Variants in SDK1 observed in about 807,000 individuals in gnomAD.
SDK1 encodes the protein protein sidekick-1.
A neutral mutation model predicts 245.5 loss-of-function variants in SDK1; 157 were observed. The observed-to-expected ratio is 0.64, with a 90% CI of 0.56 to 0.73. The LOEUF is 0.73. SDK1 is among the 30% of genes least tolerant of loss of function. The probability of loss-of-function intolerance (pLI) is 0.00; values close to 1 mark genes in which losing one functional copy is unlikely to be tolerated. For missense variants in SDK1, 3,583 were observed against 3,002.3 expected (o/e 1.19, Z -4.52); for synonymous variants, 1,647 against 1,278.5 (o/e 1.29, Z -6.15).
chr7:3,772,918 G>A (rs1780444243), intron 4 of SDK1, among the ~76,000 whole-genome samples: 1 of 152,078 alleles, frequency 6.6e-6, no homozygotes, highest in African/African-American at 2.4e-5. Flanking sequence ...ATTTTATTGA[G>A]GATCCCATGT....
intron 5 of SDK1, among the ~76,000 whole-genome samples, chr7:3,907,830 T>C (rs1213352091): frequency 1.3e-5 from 2 of 152,180 alleles, no homozygotes; most frequent in Non-Finnish European, 2.9e-5. Context: ...GCCCAGTTCT[T>C]GTTTCTTATT....
chr7:3,598,145 A>G (rs950372478), intron 1 of SDK1, among the ~76,000 whole-genome samples: 2 of 152,264 alleles, frequency 1.3e-5, no homozygotes, highest in South Asian at 4.2e-4. Flanking sequence ...TCTGATGTCA[A>G]ATGATGTTGA....
At position 3,595,952 on chromosome 7, in the gene SDK1, A is replaced by AT. The variant is rs199756528; in HGVS notation, c.299-23112dup. On this transcript the variant is annotated intron_variant, in intron 1 of 44. Coordinates refer to ENST00000404826, the MANE Select transcript of SDK1 (RefSeq NM_152744.4). Reference sequence around the variant, plus strand: ...CGGTGTTTTAACCTGTCTAATGGGTATTTTTTTTTTTTTTTTAAGTCATAC... The same window carrying AT: ...CGGTGTTTTAACCTGTCTAATGGGTATTTTTTTTTTTTTTTTTAAGTCATAC... Among the ~76,000 whole-genome samples the AT allele has an allele frequency of 7.9e-3, 790 of 100,380 alleles. 8 individuals carry two copies. Among genetic ancestry groups the AT allele is most frequent in the African/African-American group, 0.02 (368 of 18,348 alleles). The allele number at this position is 100,380 out of a possible 152,430, so 65.9% of individuals were successfully genotyped here.
At chr7:3,719,802 C>A (rs951166381) in intron 4 of SDK1, among the ~76,000 whole-genome samples, 1 of 151,864 alleles carries the variant, frequency 6.6e-6, no homozygotes, top group Non-Finnish European at 1.5e-5. Flanking sequence ...CATGGTGAAA[C>A]CCCGTCTCTA....
chr7:3,551,693 A>ACAGACAGGCTCTCAGTGTGT (rs1779418979), intron 1 of SDK1, among the ~76,000 whole-genome samples: 2 of 152,066 alleles, frequency 1.3e-5, no homozygotes, highest in African/African-American at 2.4e-5. Flanking sequence ...TTACTTATTT[A>ACAGACAGGCTCTCAGTGTGT]CAGACAGGCT....
chr7:3,418,977 T>C (rs1031660826), intron 1 of SDK1, among the ~76,000 whole-genome samples: 1 of 152,236 alleles, frequency 6.6e-6, no homozygotes, highest in African/African-American at 2.4e-5. Flanking sequence ...GACCATGTTC[T>C]TGTGGACTTG....
Position 3,414,313 on chromosome 7 carries a change from T to C in SDK1, c.298+112429T>C, listed in dbSNP as rs554492426. Among the ~76,000 whole-genome samples, 85 of 152,148 alleles carry C rather than the reference T, an allele frequency of 5.6e-4. 2 individuals carry two copies. Among genetic ancestry groups the C allele is most frequent in the Middle Eastern group, 6.8e-3 (2 of 294 alleles). On this transcript the variant is annotated intron_variant, in intron 1 of 44. Coordinates refer to ENST00000404826, the MANE Select transcript of SDK1 (RefSeq NM_152744.4). ...GCCTGGAGAATGTGACGGAATGGAC[T>C]GTTTGGCCCAGCCCACGGAGGAGGA...
In SDK1 at chr7:3,619,249, C is replaced by A. The variant is rs184459269; in HGVS notation, c.458+10C>A. 7 of 1,588,982 alleles carry A rather than the reference C, an allele frequency of 4.4e-6. No individual in the cohort carries two copies. Among genetic ancestry groups the A allele is most frequent in the East Asian group, 2.3e-5 (1 of 44,218 alleles). ...ACAGCAGCGAATATAAGTAATTGAT[C>A]GCTTGAAAAAATAAGATCCCATTTC... On this transcript the variant is annotated intron_variant, in intron 2 of 44. Transcript: ENST00000404826.
At chr7:3,402,949 C>T (rs371230310) in intron 1 of SDK1, among the ~76,000 whole-genome samples, 1 of 151,922 alleles carries the variant, frequency 6.6e-6, no homozygotes, top group Non-Finnish European at 1.5e-5. Flanking sequence ...CTGTTTCTTT[C>T]TTTCTTTCTT....
In SDK1 at chr7:4,108,522, T is replaced by C. The variant is rs185069167; in HGVS notation, c.3325-2141T>C. Among the ~76,000 whole-genome samples, 1,100 of 152,280 alleles carry C rather than the reference T, an allele frequency of 7.2e-3. 17 individuals carry two copies. The highest frequency in any genetic ancestry group is 0.025 in the African/African-American group (1,059 of 41,554). ...GACTTGCCCCCTTTGCCTCTGGCTG[T>C]GCAAGCTGCACAGTCTTTTCCTAAT... On this transcript the variant is annotated intron_variant, in intron 22 of 44. Transcript: ENST00000404826.
intron 1 of SDK1, among the ~76,000 whole-genome samples, chr7:3,421,351 C>T (rs912369515): frequency 6.6e-6 from 1 of 152,128 alleles, no homozygotes; most frequent in African/African-American, 2.4e-5. Flanking sequence ...GCTGGGATTA[C>T]AGGTGCAAGC....
At chr7:3,388,459 G>A (rs1562456684) in intron 1 of SDK1, among the ~76,000 whole-genome samples, 1 of 151,604 alleles carries the variant, frequency 6.6e-6, no homozygotes, top group African/African-American at 2.4e-5. Context: ...TGAGTGCAGT[G>A]GCAAGATCAT....
At chr7:4,245,897 A>G in intron 44 of SDK1, 92 bp downstream of exon 44, 2 of 1,485,162 alleles carry the variant, frequency 1.3e-6, no homozygotes, top group East Asian at 2.3e-5. Context: ...GTCCTATTTG[A>G]GTCTCATAAC....
At chr7:4,011,721 G>A (rs894777) in intron 15 of SDK1, among the ~76,000 whole-genome samples, 45,047 of 152,024 alleles carry the variant, frequency 0.3, 9,069 homozygotes, top group African/African-American at 0.58. Context: ...TCTTCAAAAT[G>A]TGGGAGTTTG....
chr7:3,813,099 T>C (rs1779424413), intron 4 of SDK1, among the ~76,000 whole-genome samples: 2 of 150,774 alleles, frequency 1.3e-5, no homozygotes, highest in Admixed American at 1.3e-4. Context: ...CAATTTTATT[T>C]TTATTTATTT....
At chr7:3,582,469 T>TCTCAGGTAGGTCTCC (rs1216616737) in intron 1 of SDK1, among the ~76,000 whole-genome samples, 3 of 145,148 alleles carry the variant, frequency 2.1e-5, no homozygotes, top group Admixed American at 2.1e-4. Flanking sequence ...GGTAGGTCTG[T>TCTCAGGTAGGTCTCC]CTCAGGTAGG....
rs185083764 is a variant in SDK1, at chr7:3,743,194, G to T, written c.714-78256G>T. Among the ~76,000 whole-genome samples the T allele has an allele frequency of 2.0e-5, 3 of 152,248 alleles. No homozygotes were observed. The East Asian group carries it at 5.8e-4, about 29-fold the overall frequency. ...TCTCAATATAGAGGTAAGAGAGGGTGGGGAGACTCATGTGAGGGGTAGTTT... is the reference window on the plus strand; with the variant it reads ...TCTCAATATAGAGGTAAGAGAGGGTTGGGAGACTCATGTGAGGGGTAGTTT... On this transcript the variant is annotated intron_variant, in intron 4 of 44. Coordinates refer to ENST00000404826, the MANE Select transcript of SDK1 (RefSeq NM_152744.4).
At chr7:3,489,955 A>ATT (rs1010621116) in intron 1 of SDK1, among the ~76,000 whole-genome samples, 8 of 151,956 alleles carry the variant, frequency 5.3e-5, no homozygotes, top group African/African-American at 1.9e-4. Flanking sequence ...AGGCTAATAC[A>ATT]TTTGGAGAAT....
chr7:3,779,746 C>G (rs1421311573), intron 4 of SDK1, among the ~76,000 whole-genome samples: 1 of 151,896 alleles, frequency 6.6e-6, no homozygotes, highest in Non-Finnish European at 1.5e-5. Context: ...TCCTGGCTAA[C>G]AAGGTGAAAC....
Sources: gnomAD v4.1 joint callset for allele counts (sites outside exome capture counted in the v4.1 genomes callset) on GRCh38, gnomAD v4.1.1 for gene constraint, MANE v1.5 for transcripts, NCBI Gene and HGNC (gene_info 2026-07-23, HGNC 2026-07-21) for gene names.